Variants in GTF2A1L observed in about 807,000 individuals in gnomAD.
GTF2A1L encodes the protein general transcription factor IIA subunit 1 like, also known as TFIIA-alpha and beta-like factor.
Under a neutral mutation model 49.7 loss-of-function variants are expected in GTF2A1L, and 48 were observed. The observed-to-expected ratio is 0.97, with a 90% confidence interval of 0.77 to 1.23. GTF2A1L has a LOEUF of 1.23. Among genes scored for constraint, GTF2A1L ranks in the 50% most tolerant of loss-of-function variants. The pLI, the probability that GTF2A1L is intolerant of heterozygous loss-of-function variation, is 0.00. For missense variants in GTF2A1L, 736 were observed against 564.8 expected (o/e 1.30, Z -3.07); for synonymous variants, 246 against 193.5 (o/e 1.27, Z -2.25).
intron 3 of GTF2A1L, among the ~76,000 whole-genome samples, chr2:48,639,109 A>G (rs1677063764): frequency 6.6e-6 from 1 of 152,246 alleles, no homozygotes; most frequent in Non-Finnish European, 1.5e-5. Flanking sequence ...CAATATTATT[A>G]AAATGGCCAT....
chr2:48,655,642 T>C (rs1029812538), intron 6 of GTF2A1L, among the ~76,000 whole-genome samples: 2 of 152,248 alleles, frequency 1.3e-5, no homozygotes, highest in Admixed American at 1.3e-4. Context: ...ATATCACTAC[T>C]GATTTTTAAA....
Position 48,628,855 on chromosome 2 carries a change from A to G in GTF2A1L, c.247+7565A>G, listed in dbSNP as rs999143846. On this transcript the variant is annotated intron_variant, in intron 3 of 8. Transcript: ENST00000403751. ...GGATTCTTATAGTTTGAGGTCTTAC[A>G]TTTAGAACTTTAACCCATCTTTGTA... Among the ~76,000 whole-genome samples the G allele has an allele frequency of 5.6e-5, 8 of 144,126 alleles. No homozygotes were observed. In the East Asian group the frequency reaches 1.6e-3, roughly 28 times the overall value. The allele number at this position is 144,126 out of a possible 152,430, so 94.6% of individuals were successfully genotyped here. A position where few individuals can be genotyped will look rare whatever the true frequency, so the allele number is the denominator to read the frequency against.
rs756836438 is a variant in GTF2A1L, at chr2:48,621,219, A to G, written c.176A>G (p.Asn59Ser). ...AAAGCAACAGAAGACTTCTTCAGAA[A>G]TAGCATCCAATCACCTCTGTTTACT... ...QSKATEDFFRNSIQSPLFTLQ... is the reference protein window; with the variant it reads ...QSKATEDFFRSSIQSPLFTLQ... The change falls in exon 3 of 9, where the codon AAT becomes AGT. Residue 59 changes from asparagine to serine, a missense_variant. Transcript: ENST00000403751. 7 of 1,614,044 alleles carry G rather than the reference A, an allele frequency of 4.3e-6. No homozygotes were observed. The highest frequency in any genetic ancestry group is 5.9e-6 in the Non-Finnish European group (7 of 1,180,022).
chr2:48,636,473 T>G (rs533795588), intron 3 of GTF2A1L, among the ~76,000 whole-genome samples: 2 of 152,374 alleles, frequency 1.3e-5, no homozygotes, highest in South Asian at 2.1e-4. Flanking sequence ...GAGAATAAAG[T>G]GACCACTTGC....
At chr2:48,654,449 A>T (rs989598471) in intron 6 of GTF2A1L, among the ~76,000 whole-genome samples, 58 of 151,728 alleles carry the variant, frequency 3.8e-4, no homozygotes, top group African/African-American at 1.4e-3. Flanking sequence ...CCCAGGCTGG[A>T]GTACAGTGGT....
chr2:48,646,379 T>A (rs1172184649), intron 5 of GTF2A1L, 74 bp from the exon 6 acceptor site: 1 of 1,311,756 alleles, frequency 7.6e-7, no homozygotes, highest in Non-Finnish European at 1.0e-6. Context: ...TGAGATTTTT[T>A]TTTTTTTTTG....
At chr2:48,634,805 T>C (rs1676793461) in intron 3 of GTF2A1L, among the ~76,000 whole-genome samples, 2 of 152,212 alleles carry the variant, frequency 1.3e-5, no homozygotes, top group African/African-American at 4.8e-5. Flanking sequence ...GGATCTGACC[T>C]TTTTCTCTAG....
At chr2:48,678,390 C>A (rs1428169515) in intron 8 of GTF2A1L, among the ~76,000 whole-genome samples, 1 of 151,812 alleles carries the variant, frequency 6.6e-6, no homozygotes, top group Non-Finnish European at 1.5e-5. Flanking sequence ...ACTTTAAAAC[C>A]CCCCCACAAA....
intron 3 of GTF2A1L, among the ~76,000 whole-genome samples, chr2:48,641,421 G>A (rs1677191344): frequency 6.6e-6 from 1 of 152,140 alleles, no homozygotes; most frequent in South Asian, 2.1e-4. Context: ...TTTGTTTTAT[G>A]TGACGGAGCC....
At chr2:48,660,918 G>A (rs149844530) in intron 6 of GTF2A1L, among the ~76,000 whole-genome samples, 1 of 152,100 alleles carries the variant, frequency 6.6e-6, no homozygotes, top group Non-Finnish European at 1.5e-5. Flanking sequence ...TGTGATTACA[G>A]GTGTGAGACA....
At chr2:48,652,167 G>A (rs1270805841) in intron 6 of GTF2A1L, among the ~76,000 whole-genome samples, 1 of 152,138 alleles carries the variant, frequency 6.6e-6, no homozygotes, top group Non-Finnish European at 1.5e-5. Context: ...GAAGGAAAAT[G>A]GTATGAGGCT....
chr2:48,637,600 C>A (rs1676972407), intron 3 of GTF2A1L, among the ~76,000 whole-genome samples: 1 of 152,080 alleles, frequency 6.6e-6, no homozygotes, highest in Non-Finnish European at 1.5e-5. Flanking sequence ...CCAAAGCTAG[C>A]AGAAGACAAG....
intron 3 of GTF2A1L, among the ~76,000 whole-genome samples, chr2:48,631,062 T>A (rs1676541585): frequency 6.6e-6 from 1 of 152,182 alleles, no homozygotes; most frequent in South Asian, 2.1e-4. Context: ...TCATCAGGGA[T>A]GTTGGCCTAT....
intron 8 of GTF2A1L, among the ~76,000 whole-genome samples, chr2:48,675,600 T>A (rs1679427082): frequency 6.6e-6 from 1 of 152,010 alleles, no homozygotes; most frequent in African/African-American, 2.4e-5. Flanking sequence ...AGGATTTAAA[T>A]AATAAAGATA....
At chr2:48,637,652 C>CA (rs907763825) in intron 3 of GTF2A1L, among the ~76,000 whole-genome samples, 1 of 151,926 alleles carries the variant, frequency 6.6e-6, no homozygotes, top group African/African-American at 2.4e-5. Flanking sequence ...AATCAGGGCA[C>CA]AAAAAACCAT....
At chr2:48,643,509 GA>G (rs1391628205) in intron 4 of GTF2A1L, among the ~76,000 whole-genome samples, 2 of 152,000 alleles carry the variant, frequency 1.3e-5, no homozygotes, top group African/African-American at 4.8e-5. Context: ...CTTTTGATAG[GA>G]GACCAATGAA....
intron 7 of GTF2A1L, among the ~76,000 whole-genome samples, chr2:48,671,262 G>A (rs907273884): frequency 6.6e-6 from 1 of 152,218 alleles, no homozygotes; most frequent in South Asian, 2.1e-4. Flanking sequence ...GAGTGCAGTG[G>A]TGTGATCACA....
At position 48,659,318 on chromosome 2, in the gene GTF2A1L, T is replaced by G. The variant is rs369678691; in HGVS notation, c.979-10404T>G. 1.9e-3 allele frequency among the ~76,000 whole-genome samples: 284 copies of G among 152,276 alleles called. 7 individuals are homozygous for G. The South Asian group carries it at 0.057, about 30-fold the overall frequency. ...AGTTTTTCTCTTTCAAGAATGCCAG[T>G]AATTCATATATTTGATTGCTTTACA... is the stretch of plus-strand genomic sequence containing the variant. On this transcript the variant is annotated intron_variant, in intron 6 of 8. Transcript: ENST00000403751.
chr2:48,675,728 GT>G (rs1261703858), intron 8 of GTF2A1L, among the ~76,000 whole-genome samples: 5 of 151,806 alleles, frequency 3.3e-5, no homozygotes, highest in African/African-American at 1.2e-4. Flanking sequence ...CTATATCTTC[GT>G]TTGACAGTTT....
Sources: allele counts gnomAD v4.1 joint callset (sites outside exome capture counted in the v4.1 genomes callset), GRCh38; gene constraint gnomAD v4.1.1; transcripts MANE v1.5; gene names NCBI Gene and HGNC (gene_info 2026-07-23, HGNC 2026-07-21).